The following HIVEP3 variants were observed in gnomAD, a reference collection of about 807,000 sequenced individuals.
HIVEP3 encodes HIVEP zinc finger 3.
A neutral mutation model predicts 152.8 loss-of-function variants in HIVEP3; 49 were observed. That is an observed-to-expected ratio of 0.32 (90% confidence interval 0.26 to 0.41). The LOEUF is 0.41. Among genes scored for constraint, HIVEP3 ranks in the 10% least tolerant of loss-of-function variants. The pLI, the probability that HIVEP3 is intolerant of heterozygous loss-of-function variation, is 1.00. For synonymous variants in HIVEP3, 1,269 were observed against 1,289.0 expected (o/e 0.98, Z 0.33); for missense variants, 2,790 against 3,103.3 (o/e 0.90, Z 2.40).
chr1:41,701,164 C>T (rs144340305), intron 1 of HIVEP3, among the ~76,000 whole-genome samples, 169 bp from the exon 2 acceptor site: 13 of 152,202 alleles, frequency 8.5e-5, no homozygotes, highest in African/African-American at 9.7e-5. Flanking sequence ...CAGGTCCCTG[C>T]GGATGAAACC....
rs1393814256 is a variant in HIVEP3 at position 41,899,502 on chromosome 1, GTT to G, written c.-801+18909_-801+18910del. Among the ~76,000 whole-genome samples the G allele has an allele frequency of 5.9e-5, 9 of 152,246 alleles. No individual in the cohort carries two copies. In the South Asian group the frequency reaches 1.7e-3, roughly 28 times the overall value. ...GCTCACTGCAGCCTCTGCTGCCCGG[GTT>G]TAAGCAATTCTCCTGCCTCAGCCTC... On this transcript the variant is annotated intron_variant, in intron 1 of 8. Coordinates refer to ENST00000372583, the MANE Select transcript of HIVEP3 (RefSeq NM_024503.5).
At chr1:41,655,307 G>A (rs1050499530) in intron 2 of HIVEP3, among the ~76,000 whole-genome samples, 1 of 152,026 alleles carries the variant, frequency 6.6e-6, no homozygotes, top group Non-Finnish European at 1.5e-5. Flanking sequence ...CTGAGGCCGC[G>A]CGCGGTGGCT....
Position 41,510,699 on chromosome 1 carries a change from C to T in HIVEP3, c.6973G>A (p.Ala2325Thr), listed in dbSNP as rs1314855901. The T allele has an allele frequency of 6.6e-7, 1 of 1,524,820 alleles. No homozygotes were observed. The highest frequency in any genetic ancestry group is 1.2e-5 in the South Asian group (1 of 80,832). 94.5% of individuals were successfully genotyped at this position (1,524,820 alleles called of 1,614,324 possible). A position where few individuals can be genotyped will look rare whatever the true frequency, so the allele number is the denominator to read the frequency against. ...LPRPPQGRRA[A>T]QSWSPRLESP... ...TCCAAGCGGGGGCTCCAGGACTGCG[C>T]TGCCCGGCGTCCCTGGGGCGGCCGG... Residue 2325 changes from alanine (A) to threonine (T), a missense_variant, in exon 9 of 9, where the codon GCG becomes ACG. Ala to Thr is a moderately conservative substitution (Grantham distance 58). Around this residue, in one of 9 missense-constraint regions of HIVEP3, gnomAD observed 816 missense variants for 806.5 expected, o/e 1.01. Coordinates refer to ENST00000372583, the MANE Select transcript of HIVEP3 (RefSeq NM_024503.5).
intron 2 of HIVEP3, among the ~76,000 whole-genome samples, chr1:41,675,713 G>A (rs751162098): frequency 2.0e-5 from 3 of 152,164 alleles, no homozygotes; most frequent in Non-Finnish European, 2.9e-5. Flanking sequence ...CTGAGCCCTA[G>A]GAAGACCAGG....
intron 1 of HIVEP3, among the ~76,000 whole-genome samples, chr1:41,845,881 A>G (rs1036686082): frequency 6.6e-6 from 1 of 152,184 alleles, no homozygotes; most frequent in Non-Finnish European, 1.5e-5. Context: ...AGCCTGGCCA[A>G]CATGGTGAAA....
chr1:41,973,159 A>C (rs373983906), intron 1 of HIVEP3, among the ~76,000 whole-genome samples: 2 of 152,354 alleles, frequency 1.3e-5, no homozygotes, highest in African/African-American at 4.8e-5. Context: ...GGTAAGGAAC[A>C]AAGAGATCAG....
chr1:41,932,798 G>C (rs369760749), intron 1 of HIVEP3, among the ~76,000 whole-genome samples: 1 of 151,604 alleles, frequency 6.6e-6, no homozygotes, highest in African/African-American at 2.4e-5. Flanking sequence ...CTCTTTTGTA[G>C]TGTAAGCATT....
chr1:41,734,701 A>G (rs1234108183), intron 1 of HIVEP3, among the ~76,000 whole-genome samples: 1 of 152,304 alleles, frequency 6.6e-6, no homozygotes, highest in Non-Finnish European at 1.5e-5. Flanking sequence ...GGCAGTAGGA[A>G]GTCCAGCCAG....
At chr1:42,013,196 C>T (rs1051449667) in intron 1 of HIVEP3, among the ~76,000 whole-genome samples, 4 of 152,142 alleles carry the variant, frequency 2.6e-5, no homozygotes, top group African/African-American at 9.7e-5. Flanking sequence ...GTATGCATGG[C>T]TCTGTGTCCA....
At chr1:41,737,702 G>A (rs182241461) in intron 1 of HIVEP3, among the ~76,000 whole-genome samples, 143 of 152,328 alleles carry the variant, frequency 9.4e-4, no homozygotes, top group African/African-American at 3.2e-3. Context: ...AAGGTGGGGC[G>A]GGGAACTCAG....
chr1:41,663,069 G>A (rs1277778636), intron 2 of HIVEP3, among the ~76,000 whole-genome samples: 1 of 152,238 alleles, frequency 6.6e-6, no homozygotes, highest in Non-Finnish European at 1.5e-5. Flanking sequence ...CGGGATTTGG[G>A]CCTGAGTCAC....
At chr1:41,999,894 T>C (rs189088160) in intron 1 of HIVEP3, among the ~76,000 whole-genome samples, 1 of 151,864 alleles carries the variant, frequency 6.6e-6, no homozygotes, top group South Asian at 2.1e-4. Context: ...TTCTTTTTTT[T>C]TTTTCAAACT....
intron 1 of HIVEP3, among the ~76,000 whole-genome samples, chr1:41,820,494 TTGAACAACTGATTACA>T (rs2124341234): frequency 1.3e-5 from 2 of 152,356 alleles, no homozygotes; most frequent in South Asian, 4.1e-4. Flanking sequence ...GAGTCCTCAT[TTGAACAACTGATTACA>T]TGGTCACTTT....
chr1:41,661,768 G>T (rs1452184102), intron 2 of HIVEP3, among the ~76,000 whole-genome samples: 4 of 152,336 alleles, frequency 2.6e-5, no homozygotes, highest in East Asian at 3.9e-4. Flanking sequence ...GCCGCGCCGG[G>T]GTGAGAGTCT....
At position 41,513,235 on chromosome 1, in the gene HIVEP3, G is replaced by T. The variant is rs752589711; in HGVS notation, c.5986C>A (p.Arg1996=). 6.2e-7 allele frequency: 1 copy of T among 1,613,656 alleles called. No individual in the cohort carries two copies. The highest frequency in any genetic ancestry group is 8.5e-7 in the Non-Finnish European group (1 of 1,179,972). The change falls in exon 8 of 9, where the codon CGA becomes AGA. Residue 1996 remains arginine, a synonymous_variant. Transcript: ENST00000372583. ...SLTKNDSSPQ[R]CSPAREPQAS... is the part of the protein sequence containing the mutation. ...TGTGGTTCTCGGGCCGGGGAGCATC[G>T]CTGGGGAGATGAGTCGTTTTTGGTT...
chr1:41,627,111 G>C (rs561522882), intron 3 of HIVEP3, among the ~76,000 whole-genome samples: 1 of 152,344 alleles, frequency 6.6e-6, no homozygotes, highest in South Asian at 2.1e-4. Context: ...GGGGCCAGAG[G>C]GCAGGGCATG....
intron 2 of HIVEP3, among the ~76,000 whole-genome samples, chr1:41,678,893 T>G (rs912426127): frequency 5.9e-5 from 9 of 152,238 alleles, no homozygotes; most frequent in African/African-American, 1.7e-4. Flanking sequence ...CTCTGCTCCC[T>G]ATCACCATGG....
intron 7 of HIVEP3, 91 bp from the exon 8 acceptor site, chr1:41,513,841 C>A (rs989790455): frequency 1.7e-6 from 2 of 1,146,772 alleles, no homozygotes; most frequent in African/African-American, 3.2e-5. Context: ...AGTTTCCTTG[C>A]CTGCTGACTG....
At chr1:41,520,353 C>G (rs976445063) in intron 6 of HIVEP3, among the ~76,000 whole-genome samples, 1 of 152,092 alleles carries the variant, frequency 6.6e-6, no homozygotes, top group African/African-American at 2.4e-5. Flanking sequence ...CTCCTACAAC[C>G]GGAAATAAAT....
Sources: allele counts gnomAD v4.1 joint callset (sites outside exome capture counted in the v4.1 genomes callset), GRCh38; gene constraint gnomAD v4.1.1; regional missense constraint gnomAD v4.1.1; transcripts MANE v1.5; gene names NCBI Gene and HGNC (gene_info 2026-07-23, HGNC 2026-07-21).